Variants in PACRG observed in about 807,000 individuals in gnomAD.
PACRG encodes parkin coregulated gene protein.
PACRG carries 29 observed loss-of-function variants against 29.7 expected under a neutral mutation model. That is an observed-to-expected ratio of 0.98 (90% CI 0.73 to 1.33). PACRG has a LOEUF of 1.33. PACRG is among the 40% of genes most tolerant of loss of function. The pLI is 0.00. For missense variants in PACRG, 279 were observed against 316.2 expected (o/e 0.88, Z 0.89); for synonymous variants, 116 against 118.7 (o/e 0.98, Z 0.15).
chr6:163,138,357 G>A (rs1258264733), intron 4 of PACRG, among the ~76,000 whole-genome samples: 2 of 152,104 alleles, frequency 1.3e-5, no homozygotes, highest in Non-Finnish European at 2.9e-5. Flanking sequence ...CCCCCAAATG[G>A]ACAATCCGTC....
chr6:163,086,845 G>T (rs956040805), intron 3 of PACRG, among the ~76,000 whole-genome samples: 25 of 152,142 alleles, frequency 1.6e-4, no homozygotes, highest in African/African-American at 6.0e-4. Context: ...ATCATTTAGT[G>T]GTTTTGCAGC....
chr6:163,045,993 A>G (rs1372671214), intron 2 of PACRG, among the ~76,000 whole-genome samples: 2 of 152,006 alleles, frequency 1.3e-5, no homozygotes, highest in African/African-American at 4.8e-5. Context: ...GACTATACTT[A>G]CCAAATTGTT....
chr6:163,155,228 T>C (rs1172073244), intron 4 of PACRG, among the ~76,000 whole-genome samples: 1 of 152,172 alleles, frequency 6.6e-6, no homozygotes, highest in Non-Finnish European at 1.5e-5. Context: ...TTTCCAAAGA[T>C]ACGTATGCTT....
rs1385994160 is a variant in PACRG at position 162,809,583 on chromosome 6, C to A, written c.157-4564C>A. ...GTGTCTATTCAGTCAAAAGTTTGAA[C>A]ATTAAGAATTTTGAGCTGAGAATCA... On this transcript the variant is annotated intron_variant, in intron 1 of 4. Transcript: ENST00000366888. Among the ~76,000 whole-genome samples the A allele has an allele frequency of 3.3e-5, 5 of 152,080 alleles. No homozygotes were observed. The South Asian group carries it at 1.0e-3, about 31-fold the overall frequency.
intron 2 of PACRG, among the ~76,000 whole-genome samples, chr6:163,008,039 G>A (rs1016612576): frequency 2.0e-5 from 3 of 152,128 alleles, no homozygotes; most frequent in Non-Finnish European, 2.9e-5. Flanking sequence ...TATTGTTGTT[G>A]TACTGGATTT....
At chr6:163,172,683 T>C (rs530648644) in intron 4 of PACRG, among the ~76,000 whole-genome samples, 1 of 152,348 alleles carries the variant, frequency 6.6e-6, no homozygotes, top group East Asian at 1.9e-4. Flanking sequence ...CTCAGGACAC[T>C]GTGTGACACT....
At chr6:162,986,509 T>C (rs1157032212) in intron 2 of PACRG, among the ~76,000 whole-genome samples, 2 of 152,168 alleles carry the variant, frequency 1.3e-5, no homozygotes, top group Non-Finnish European at 2.9e-5. Context: ...GCAAGCCACA[T>C]GTAGAAAAAT....
At chr6:162,758,621 T>A (rs145654003) in intron 1 of PACRG, among the ~76,000 whole-genome samples, 1 of 152,316 alleles carries the variant, frequency 6.6e-6, no homozygotes, top group East Asian at 1.9e-4. Flanking sequence ...GAGAGCCAGA[T>A]TACCTGGCTT....
chr6:163,160,243 AT>A, intron 4 of PACRG, among the ~76,000 whole-genome samples: 1 of 152,298 alleles, frequency 6.6e-6, no homozygotes, highest in South Asian at 2.1e-4. Flanking sequence ...TTCTACAGCC[AT>A]TTTAGTAACC....
At chr6:162,811,040 C>A (rs1430582444) in intron 1 of PACRG, among the ~76,000 whole-genome samples, 1 of 151,936 alleles carries the variant, frequency 6.6e-6, no homozygotes, top group Non-Finnish European at 1.5e-5. Flanking sequence ...CGTGGCATAA[C>A]TAAAAAAAAG....
rs575683189 is a variant in PACRG, at chr6:162,929,322, T to G, written c.291+115041T>G. On this transcript the variant is annotated intron_variant, in intron 2 of 4. Transcript: ENST00000366888. ...AAGGCATTTAACTGGGGTAAGATGT[T>G]TCATTGTGGTTTGAATTTGCATTTC... Among the ~76,000 whole-genome samples, 14 of 152,128 alleles carry G rather than the reference T, an allele frequency of 9.2e-5. No homozygotes were observed. In the East Asian group the frequency reaches 2.3e-3, roughly 25 times the overall value.
Position 162,975,176 on chromosome 6 carries a change from C to T in PACRG, c.292-86974C>T, listed in dbSNP as rs765998305. Among the ~76,000 whole-genome samples, 7 of 152,264 alleles carry T rather than the reference C, an allele frequency of 4.6e-5. 1 individual carries two copies. The South Asian group carries it at 1.2e-3, about 27-fold the overall frequency. On this transcript the variant is annotated intron_variant, in intron 2 of 4. Transcript: ENST00000366888. ...CAGGAAGTCCATGTTGGCTGAGAGG[C>T]TGAAAATACATAAGCCAATAGATGG...
chr6:162,947,347 T>TATATATATCATATATGATCATATA (rs367628174), intron 2 of PACRG, among the ~76,000 whole-genome samples: 3 of 51,054 alleles, frequency 5.9e-5, no homozygotes, highest in South Asian at 6.0e-4. Context: ...TATATAATGA[T>TATATATATCATATATGATCATATA]TACATATATA....
chr6:163,264,376 G>A (rs529341602), intron 4 of PACRG, among the ~76,000 whole-genome samples: 6 of 152,188 alleles, frequency 3.9e-5, no homozygotes, highest in Non-Finnish European at 5.9e-5. Flanking sequence ...GAGTCACTCC[G>A]CATCCACTGC....
Position 163,067,771 on chromosome 6 carries a change from C to G in PACRG, c.463+5450C>G, listed in dbSNP as rs566972920. 3.2e-3 allele frequency among the ~76,000 whole-genome samples: 481 copies of G among 152,290 alleles called. 3 individuals carry two copies. The highest frequency in any genetic ancestry group is 0.011 in the African/African-American group (469 of 41,564). On this transcript the variant is annotated intron_variant, in intron 3 of 4. Transcript: ENST00000366888. ...ATGTTGATTAGAATTTAACTCCCCTCCACAAACATACCTTCTTCCCCACTA... is the reference window on the plus strand; with the variant it reads ...ATGTTGATTAGAATTTAACTCCCCTGCACAAACATACCTTCTTCCCCACTA...
At chr6:163,091,522 T>C (rs558483934) in intron 4 of PACRG, among the ~76,000 whole-genome samples, 1 of 152,322 alleles carries the variant, frequency 6.6e-6, no homozygotes, top group South Asian at 2.1e-4. Context: ...ATTTAAATTA[T>C]TTTTCTGCTT....
intron 4 of PACRG, among the ~76,000 whole-genome samples, chr6:163,101,738 C>T (rs899192191): frequency 3.3e-5 from 5 of 152,252 alleles, no homozygotes; most frequent in Non-Finnish European, 5.9e-5. Context: ...TAGCCACTGG[C>T]GGTGTGGAAC....
intron 4 of PACRG, among the ~76,000 whole-genome samples, chr6:163,283,692 T>TCGGGAGGCTGAGG (rs1258239001): frequency 1.3e-5 from 2 of 151,320 alleles, no homozygotes; most frequent in African/African-American, 4.9e-5. Context: ...TCCCAGCTAC[T>TCGGGAGGCTGAGG]CGGGAGGCTG....
chr6:163,263,351 G>A (rs926096278), intron 4 of PACRG, among the ~76,000 whole-genome samples: 3 of 152,074 alleles, frequency 2.0e-5, no homozygotes, highest in African/African-American at 7.2e-5. Context: ...TTCCCTCACA[G>A]ACTTGGTACA....
Sources: allele counts gnomAD v4.1 joint callset (sites outside exome capture counted in the v4.1 genomes callset), GRCh38; gene constraint gnomAD v4.1.1; transcripts MANE v1.5; gene names NCBI Gene and HGNC (gene_info 2026-07-23, HGNC 2026-07-21).